The following TENM2 variants were observed in gnomAD, a reference collection of about 807,000 sequenced individuals.
TENM2 encodes teneurin transmembrane protein 2, also known as teneurin-2.
In TENM2, 52 loss-of-function variants were observed where a neutral mutation model predicts 245.2. That is an observed-to-expected ratio of 0.21 (90% CI 0.17 to 0.27). The LOEUF is 0.27. Among genes scored for constraint, TENM2 ranks in the 10% least tolerant of loss-of-function variants. The pLI, the probability that TENM2 is intolerant of heterozygous loss-of-function variation, is 1.00. For synonymous variants in TENM2, 1,363 were observed against 1,438.9 expected (o/e 0.95, Z 1.19); for missense variants, 3,046 against 3,666.8 (o/e 0.83, Z 4.37).
chr5:167,101,834 T>TA, the TENM2 span, among the ~76,000 whole-genome samples: 1 of 117,532 alleles, frequency 8.5e-6, no homozygotes, highest in African/African-American at 3.7e-5. Flanking sequence ...GCTCTTGACA[T>TA]TTATATATAT....
upstream of TENM2, chr5:167,284,794 C>T: frequency 1.4e-6 from 2 of 1,480,100 alleles, no homozygotes; most frequent in African/African-American, 1.4e-5. Flanking sequence ...AAAACTCAGG[C>T]CTGACTTTTC....
intron 2 of TENM2, among the ~76,000 whole-genome samples, chr5:167,739,401 C>T (rs976289133): frequency 1.3e-5 from 2 of 152,144 alleles, no homozygotes; most frequent in Non-Finnish European, 2.9e-5. Context: ...CTCCAAGGCT[C>T]ATGGAGAGAA....
intron 2 of TENM2, among the ~76,000 whole-genome samples, chr5:167,749,225 G>T (rs17069129): frequency 0.1 from 15,725 of 152,060 alleles, 1,373 homozygotes; most frequent in East Asian, 0.43. Context: ...TACTAAGAAC[G>T]GATATGAACA....
intron 2 of TENM2, among the ~76,000 whole-genome samples, chr5:167,578,841 T>C (rs1774888753): frequency 6.6e-6 from 1 of 152,190 alleles, no homozygotes; most frequent in Non-Finnish European, 1.5e-5. Context: ...AACTATATAA[T>C]GGAAGTTTAT....
chr5:168,027,675 GTC>G (rs1422732316), intron 5 of TENM2, among the ~76,000 whole-genome samples: 2 of 152,208 alleles, frequency 1.3e-5, no homozygotes, highest in Non-Finnish European at 2.9e-5. Context: ...AAGTTGAACT[GTC>G]TGGTTCCTCT....
chr5:167,607,188 C>G (rs1013971854), intron 2 of TENM2, among the ~76,000 whole-genome samples: 1 of 152,266 alleles, frequency 6.6e-6, no homozygotes, highest in African/African-American at 2.4e-5. Flanking sequence ...AGAAATGTCT[C>G]TCTACTATTA....
At chr5:167,564,796 G>A (rs1773802572) in intron 2 of TENM2, among the ~76,000 whole-genome samples, 1 of 152,162 alleles carries the variant, frequency 6.6e-6, no homozygotes, top group Non-Finnish European at 1.5e-5. Flanking sequence ...CTTTCATGGG[G>A]ATGGCATTCT....
intron 1 of TENM2, among the ~76,000 whole-genome samples, chr5:167,297,825 A>G (rs1286414407): frequency 6.6e-6 from 1 of 151,972 alleles, no homozygotes; most frequent in Non-Finnish European, 1.5e-5. Flanking sequence ...GGTGGGCTGG[A>G]GTGGGGGTCA....
chr5:167,334,934 G>A (rs990849811), intron 1 of TENM2, among the ~76,000 whole-genome samples: 2 of 152,166 alleles, frequency 1.3e-5, no homozygotes, highest in East Asian at 1.9e-4. Context: ...AAATTTCATA[G>A]CAAGTATTTT....
At chr5:167,166,400 A>G in the TENM2 span, among the ~76,000 whole-genome samples, 1 of 152,230 alleles carries the variant, frequency 6.6e-6, no homozygotes, top group Non-Finnish European at 1.5e-5. Flanking sequence ...GTCCTTGGAA[A>G]GTAACATCAG....
At chr5:167,621,499 A>G (rs936153697) in intron 2 of TENM2, among the ~76,000 whole-genome samples, 1 of 152,058 alleles carries the variant, frequency 6.6e-6, no homozygotes, top group Admixed American at 6.6e-5. Flanking sequence ...GTCATTTAGG[A>G]CCTTCTATGC....
intron 13 of TENM2, among the ~76,000 whole-genome samples, chr5:168,173,113 T>C (rs1758997946): frequency 6.6e-6 from 1 of 152,090 alleles, no homozygotes; most frequent in Non-Finnish European, 1.5e-5. Flanking sequence ...TGGAACTCCA[T>C]GGCCACGTGC....
chr5:167,160,292 C>T, the TENM2 span, among the ~76,000 whole-genome samples: 1 of 152,236 alleles, frequency 6.6e-6, no homozygotes, highest in Non-Finnish European at 1.5e-5. Context: ...GACTCCTTTG[C>T]GTGGATTCTG....
chr5:168,238,144 C>G (rs1390078913), intron 25 of TENM2, among the ~76,000 whole-genome samples: 1 of 101,878 alleles, frequency 9.8e-6, no homozygotes, highest in Non-Finnish European at 1.7e-5. Context: ...GACTCCATCT[C>G]AAGAAAGAAA....
At chr5:168,087,242 C>T (rs1792533065) in intron 7 of TENM2, 2 of 152,222 alleles carry the variant, frequency 1.3e-5, no homozygotes, top group South Asian at 4.1e-4. Context: ...ACACCCTACA[C>T]ATAATAGAGT....
At chr5:167,620,037 G>A (rs1001697369) in intron 2 of TENM2, among the ~76,000 whole-genome samples, 5 of 152,150 alleles carry the variant, frequency 3.3e-5, no homozygotes, top group Admixed American at 1.3e-4. Flanking sequence ...ATGAATATAT[G>A]TATGTATTTT....
the TENM2 span, among the ~76,000 whole-genome samples, chr5:167,007,867 C>T: frequency 6.6e-6 from 1 of 152,190 alleles, no homozygotes; most frequent in East Asian, 1.9e-4. The surrounding 1 kb of genome is among the most constrained non-coding windows in gnomAD (Gnocchi z 4.2). Context: ...TGGGCCAGAA[C>T]TTGCTTTACA....
chr5:167,894,936 AGG>A (rs1775060358), intron 3 of TENM2, among the ~76,000 whole-genome samples: 1 of 81,348 alleles, frequency 1.2e-5, no homozygotes, highest in Admixed American at 1.1e-4. Flanking sequence ...GAAGGAAGGA[AGG>A]AAGGAAGGAA....
intron 1 of TENM2, among the ~76,000 whole-genome samples, chr5:167,366,139 A>G (rs1760040010): frequency 6.6e-6 from 1 of 152,014 alleles, no homozygotes; most frequent in East Asian, 1.9e-4. Flanking sequence ...AATTCAGTTA[A>G]GAAAAAGAAG....
Sources: gnomAD v4.1 joint callset for allele counts (sites outside exome capture counted in the v4.1 genomes callset) on GRCh38, gnomAD v4.1.1 for gene constraint, Gnocchi (gnomAD v3.1) non-coding constraint, MANE v1.5 for transcripts, NCBI Gene and HGNC (gene_info 2026-07-23, HGNC 2026-07-21) for gene names.